GRIN3A: variants seen among roughly 807,000 people sequenced by gnomAD.
The protein encoded by GRIN3A is glutamate receptor ionotropic, NMDA 3A.
GRIN3A carries 47 observed loss-of-function variants against 92.4 expected under a neutral mutation model. That is an observed-to-expected ratio of 0.51 (90% CI 0.40 to 0.65). The LOEUF is 0.65. GRIN3A is among the 30% of genes least tolerant of loss of function. GRIN3A has a pLI of 0.00. For synonymous variants in GRIN3A, 527 were observed against 540.6 expected, an observed-to-expected ratio of 0.97 and a Z score of 0.35; for missense variants, 1,324 against 1,393.1, an observed-to-expected ratio of 0.95 and a Z score of 0.79.
intron 1 of GRIN3A, among the ~76,000 whole-genome samples, chr9:101,701,580 C>G (rs1050958876): frequency 2.6e-5 from 4 of 151,922 alleles, no homozygotes; most frequent in Non-Finnish European, 5.9e-5. Context: ...CCTAGGAAAA[C>G]AAACAAACAA....
intron 3 of GRIN3A, 117 bp from the exon 4 acceptor site, chr9:101,628,518 A>G: frequency 1.1e-6 from 1 of 937,466 alleles, no homozygotes; most frequent in South Asian, 1.5e-5. Flanking sequence ...TAACCCCCAC[A>G]GGCAGAAACA....
chr9:101,665,175 T>C (rs1343121407), intron 3 of GRIN3A, among the ~76,000 whole-genome samples: 1 of 151,974 alleles, frequency 6.6e-6, no homozygotes, highest in South Asian at 2.1e-4. Context: ...AAATAGTAGA[T>C]AGAACTTTGG....
At chr9:101,731,701 C>T (rs115929746) in intron 1 of GRIN3A, among the ~76,000 whole-genome samples, 16 of 152,270 alleles carry the variant, frequency 1.1e-4, no homozygotes, top group African/African-American at 3.9e-4. Context: ...GACAGTCTCC[C>T]TGAAAGTGCA....
intron 4 of GRIN3A, 122 bp from the exon 5 acceptor site, chr9:101,623,555 C>G (rs550018761): frequency 1.4e-6 from 1 of 724,346 alleles, no homozygotes. Context: ...CACAAGCTAC[C>G]TAGGTGCTGA....
intron 3 of GRIN3A, among the ~76,000 whole-genome samples, chr9:101,656,619 G>T (rs1414431444): frequency 6.6e-6 from 1 of 151,824 alleles, no homozygotes; most frequent in Non-Finnish European, 1.5e-5. Context: ...GGTTTAGTAG[G>T]TCTAGGGCAG....
At chr9:101,710,272 A>T (rs1008056886) in intron 1 of GRIN3A, among the ~76,000 whole-genome samples, 1 of 152,174 alleles carries the variant, frequency 6.6e-6, no homozygotes, top group African/African-American at 2.4e-5. Context: ...TAAATGACAG[A>T]TAGTAGCTAT....
rs28436645 is a variant in GRIN3A at position 101,701,505 on chromosome 9, C to T, written c.700-14305G>A. ...ATTGAAACTGGGCCCCTACCTTTCA[C>T]CATATACAAAAATCAACTCAAGATG... On this transcript the variant is annotated intron_variant, in intron 1 of 8. Coordinates refer to ENST00000361820, the MANE Select transcript of GRIN3A (RefSeq NM_133445.3). Among the ~76,000 whole-genome samples, 1,375 of 152,148 alleles carry T rather than the reference C, an allele frequency of 9.0e-3. 22 individuals are homozygous for T. Among genetic ancestry groups the T allele is most frequent in the African/African-American group, 0.032 (1,309 of 41,498 alleles).
chr9:101,732,915 G>A (rs771651800), intron 1 of GRIN3A, among the ~76,000 whole-genome samples: 8 of 152,176 alleles, frequency 5.3e-5, no homozygotes, highest in Non-Finnish European at 8.8e-5. Context: ...TGGCTAGTGA[G>A]AGATAGATTG....
intron 1 of GRIN3A, among the ~76,000 whole-genome samples, chr9:101,731,892 A>G (rs1429156066): frequency 1.3e-5 from 2 of 152,320 alleles, no homozygotes; most frequent in African/African-American, 4.8e-5. Flanking sequence ...AAAAATTTCT[A>G]TGAGTTTGTC....
At chr9:101,703,090 GAC>G (rs1293237211) in intron 1 of GRIN3A, among the ~76,000 whole-genome samples, 1 of 152,124 alleles carries the variant, frequency 6.6e-6, no homozygotes, top group Non-Finnish European at 1.5e-5. Flanking sequence ...TAATTAGTTT[GAC>G]ACACAGACAG....
At chr9:101,614,312 T>C (rs570407790) in intron 5 of GRIN3A, among the ~76,000 whole-genome samples, 1 of 152,306 alleles carries the variant, frequency 6.6e-6, no homozygotes, top group Non-Finnish European at 1.5e-5. Flanking sequence ...CGTACAAAAA[T>C]GTTCTTAGAG....
intron 3 of GRIN3A, among the ~76,000 whole-genome samples, chr9:101,643,696 C>CACACAG (rs1554719555): frequency 2.0e-5 from 3 of 151,184 alleles, no homozygotes; most frequent in Admixed American, 6.6e-5. Context: ...CACACACACA[C>CACACAG]CCACACGAAT....
Position 101,613,368 on chromosome 9 carries a change from T to C in GRIN3A, c.2766+8A>G. On this transcript the variant is annotated splice_region_variant and intron_variant, in intron 6 of 8. Transcript: ENST00000361820. ...AACGTGTCACCATTTTCAACAGTCT[T>C]TCCATACCTCCGTGACAGCAAAACT... 1 of 1,614,138 alleles carries C rather than the reference T, an allele frequency of 6.2e-7. No individual in the cohort carries two copies. Among genetic ancestry groups the C allele is most frequent in the African/African-American group, 1.3e-5 (1 of 75,048 alleles).
intron 8 of GRIN3A, 33 bp downstream of exon 8, chr9:101,577,735 A>G: frequency 1.4e-6 from 2 of 1,453,044 alleles, no homozygotes; most frequent in South Asian, 1.1e-5. Flanking sequence ...TATTTTACAA[A>G]TATAAAGACA....
chr9:101,620,900 A>T (rs951058552), intron 5 of GRIN3A, among the ~76,000 whole-genome samples: 1 of 152,100 alleles, frequency 6.6e-6, no homozygotes, highest in Non-Finnish European at 1.5e-5. Flanking sequence ...TATTTTCTCA[A>T]AAATTCATGA....
chr9:101,671,250 G>A (rs2118953892), intron 2 of GRIN3A, 143 bp from the exon 3 acceptor site: 1 of 702,304 alleles, frequency 1.4e-6, no homozygotes, highest in Admixed American at 2.1e-5. Flanking sequence ...TTCTTCAAAT[G>A]TTAATAAGCT....
At chr9:101,661,898 G>A (rs1176949238) in intron 3 of GRIN3A, among the ~76,000 whole-genome samples, 1 of 151,806 alleles carries the variant, frequency 6.6e-6, no homozygotes, top group Admixed American at 6.6e-5. Flanking sequence ...AATCTAATGT[G>A]ATGGGCAAAA....
chr9:101,600,816 C>G (rs1438260852), intron 6 of GRIN3A: 1 of 152,116 alleles, frequency 6.6e-6, no homozygotes, highest in African/African-American at 2.4e-5. Flanking sequence ...TGACCATTCC[C>G]CATACACTGA....
At chr9:101,713,741 T>G (rs866507872) in intron 1 of GRIN3A, among the ~76,000 whole-genome samples, 36 of 152,234 alleles carry the variant, frequency 2.4e-4, no homozygotes, top group African/African-American at 7.0e-4. Context: ...ATGGATGGGT[T>G]CCTTATTGTT....
Sources: allele counts gnomAD v4.1 joint callset (sites outside exome capture counted in the v4.1 genomes callset), GRCh38; gene constraint gnomAD v4.1.1; transcripts MANE v1.5; gene names NCBI Gene and HGNC (gene_info 2026-07-23, HGNC 2026-07-21).